Variants in SDF2L1 observed in about 807,000 individuals in gnomAD.
SDF2L1 encodes stromal cell derived factor 2 like 1.
In SDF2L1, 18 loss-of-function variants were observed where a neutral mutation model predicts 19.4. The observed-to-expected ratio is 0.93, with a 90% confidence interval of 0.64 to 1.38. SDF2L1 has a LOEUF of 1.38. SDF2L1 is among the 40% of genes most tolerant of loss of function. The pLI is 0.00. For missense variants in SDF2L1, 263 were observed against 319.4 expected (o/e 0.82, Z 1.35); for synonymous variants, 161 against 148.9 (o/e 1.08, Z -0.59).
At chr22:21,643,088 C>T (rs993375964) in intron 2 of SDF2L1, 30 bp downstream of exon 2, 4 of 1,548,154 alleles carry the variant, frequency 2.6e-6, no homozygotes, top group Non-Finnish European at 3.5e-6. Context: ...CCCAGAGAGA[C>T]TCCTGGCCTG....
Position 21,643,957 on chromosome 22 carries a change from T to A in SDF2L1, c.448T>A (p.Ser150Thr). ...DDLDLWTVRCSGQHWEREAAV... is the reference protein window; with the variant it reads ...DDLDLWTVRCTGQHWEREAAV... ...CCTGGACCTATGGACAGTGCGCTGC[T>A]CTGGACAGCACTGGGAGCGTGAGGC... Residue 150 changes from serine (S) to threonine (T), a missense_variant, in exon 3 of 3, where the codon TCT becomes ACT. Transcript: ENST00000248958. 2 of 1,614,092 alleles carry A rather than the reference T, an allele frequency of 1.2e-6. No individual in the cohort carries two copies. Among genetic ancestry groups the A allele is most frequent in the Non-Finnish European group, 1.7e-6 (2 of 1,180,010 alleles).
At chr22:21,643,174 G>A (rs2066094716) in intron 2 of SDF2L1, 116 bp downstream of exon 2, 4 of 1,305,296 alleles carry the variant, frequency 3.1e-6, no homozygotes, top group Admixed American at 2.5e-5. Context: ...TTTCACTTCA[G>A]AGATGGTTAC....
At position 21,643,885 on chromosome 22, in the gene SDF2L1, C is replaced by T. The variant is rs1224738496; in HGVS notation, c.385-9C>T. 3 of 1,607,998 alleles carry T rather than the reference C, an allele frequency of 1.9e-6. No homozygotes were observed. Among genetic ancestry groups the T allele is most frequent in the Admixed American group, 3.3e-5 (2 of 59,784 alleles). On this transcript the variant is annotated splice_polypyrimidine_tract_variant and intron_variant, in intron 2 of 2. Coordinates refer to ENST00000248958, the MANE Select transcript of SDF2L1 (RefSeq NM_022044.3). ...GTGACCACTGTCTTCTCATCCTTTG[C>T]ACCTATAGGAGGTGAGTGCCTTTGG...
At position 21,642,945 on chromosome 22, in the gene SDF2L1, G is replaced by C; in HGVS notation, c.271G>C (p.Gly91Arg). 1 of 1,574,846 alleles carries C rather than the reference G, an allele frequency of 6.3e-7. No individual in the cohort carries two copies. Residue 91 changes from glycine to arginine, a missense_variant, in exon 2 of 3, where the codon GGG becomes CGG. By Grantham distance (125) the Gly-to-Arg change is moderately radical (BLOSUM62 -2). Coordinates refer to ENST00000248958, the MANE Select transcript of SDF2L1 (RefSeq NM_022044.3). ...YWRIRGGSEGGCPRGSPVRCG... is the reference protein window; with the variant it reads ...YWRIRGGSEGRCPRGSPVRCG... Reference sequence around the variant, plus strand: ...GCGGATCCGCGGCGGCTCGGAGGGCGGGTGCCCGCGCGGGTCCCCGGTGCG... The same window carrying C: ...GCGGATCCGCGGCGGCTCGGAGGGCCGGTGCCCGCGCGGGTCCCCGGTGCG...
chr22:21,643,900 A>G lies in SDF2L1; in HGVS notation c.391A>G (p.Ser131Gly). 2 of 1,612,358 alleles carry G rather than the reference A, an allele frequency of 1.2e-6. No individual in the cohort carries two copies. The highest frequency in any genetic ancestry group is 1.3e-5 in the African/African-American group (1 of 74,956). Residue 131 changes from serine to glycine, a missense_variant, in exon 3 of 3, where the codon AGT becomes GGT. Ser to Gly is a moderately conservative substitution (Grantham distance 56, BLOSUM62 0). Transcript: ENST00000248958. ...PSPLSNNQEV[S>G]AFGEDGEGDD... ...TCATCCTTTGCACCTATAGGAGGTG[A>G]GTGCCTTTGGGGAAGACGGCGAGGG...
intron 1 of SDF2L1, 136 bp downstream of exon 1, chr22:21,642,659 A>T: frequency 9.1e-7 from 1 of 1,094,598 alleles, no homozygotes; most frequent in Non-Finnish European, 1.2e-6. Context: ...TGGGAGGTCG[A>T]GGGGCCAAAG....
At position 21,642,473 on chromosome 22, in the gene SDF2L1, A is replaced by T; in HGVS notation, c.137A>T (p.Asn46Ile). ...VTCGSVLKLL[N>I]THHRVRLHSH... ...TGCGGGTCGGTGCTGAAGCTGCTCA[A>T]TACGCACCACCGCGTGCGGCTGCAC... The change falls in exon 1 of 3, where the codon AAT (asparagine) becomes ATT (isoleucine). Residue 46 changes from asparagine to isoleucine, a missense_variant. Physicochemically the swap from Asn to Ile is moderately radical, Grantham distance 149. This residue lies in a region of SDF2L1 where 203 missense variants were observed against 256.9 expected (regional missense o/e 0.79). Transcript: ENST00000248958. 6.6e-7 allele frequency: 1 copy of T among 1,518,102 alleles called. No individual in the cohort carries two copies. Among genetic ancestry groups the T allele is most frequent in the Non-Finnish European group, 8.8e-7 (1 of 1,138,830 alleles). 94.0% of individuals were successfully genotyped at this position (1,518,102 alleles called of 1,614,324 possible).
chr22:21,644,112 G>A lies in SDF2L1; in HGVS notation c.603G>A (p.Lys201=). The A allele has an allele frequency of 6.2e-7, 1 of 1,614,170 alleles. No homozygotes were observed. Among genetic ancestry groups the A allele is most frequent in the Non-Finnish European group, 8.5e-7 (1 of 1,180,038 alleles). ...MPSANTHNTW[K]AMEGIFIKPS... is the part of the protein sequence containing the mutation. ...GTGCCAACACGCACAATACGTGGAAGGCCATGGAAGGCATCTTCATCAAGC... is the reference window on the plus strand; with the variant it reads ...GTGCCAACACGCACAATACGTGGAAAGCCATGGAAGGCATCTTCATCAAGC... Residue 201 remains lysine, a synonymous_variant, in exon 3 of 3, where the codon AAG becomes AAA. Coordinates refer to ENST00000248958, the MANE Select transcript of SDF2L1 (RefSeq NM_022044.3).
At chr22:21,643,560 A>C (rs1049196652) in intron 2 of SDF2L1, among the ~76,000 whole-genome samples, 11 of 152,188 alleles carry the variant, frequency 7.2e-5, no homozygotes, top group Non-Finnish European at 1.3e-4. Context: ...TGTTTGAGAT[A>C]GATAGACAGC....
chr22:21,642,402 A>G lies in SDF2L1; in HGVS notation c.66A>G (p.Leu22=), dbSNP rs2066085810. ...PVLLGLLLAL[L]VPGGGAAKTG... ...TGTTGGGGCTGCTGCTGGCGCTGTT[A>G]GTGCCGGGCGGTGGTGCCGCCAAGA... Residue 22 remains leucine (L), a synonymous_variant, in exon 1 of 3, where the codon TTA becomes TTG. Coordinates refer to ENST00000248958, the MANE Select transcript of SDF2L1 (RefSeq NM_022044.3). 1.4e-6 allele frequency: 2 copies of G among 1,450,864 alleles called. No individual in the cohort carries two copies. The highest frequency in any genetic ancestry group is 1.8e-6 in the Non-Finnish European group (2 of 1,111,936). 89.9% of individuals were successfully genotyped at this position (1,450,864 alleles called of 1,614,324 possible).
rs2066105633 is a variant in SDF2L1 at position 21,644,286 on chromosome 22, A to G, written c.*111A>G. 1.7e-6 allele frequency: 2 copies of G among 1,181,124 alleles called. No individual in the cohort carries two copies. Among genetic ancestry groups the G allele is most frequent in the Admixed American group, 2.0e-5 (1 of 50,582 alleles). 73.2% of individuals were successfully genotyped at this position (1,181,124 alleles called of 1,614,324 possible). On this transcript the variant is annotated 3_prime_UTR_variant, in exon 3 of 3. Transcript: ENST00000248958. ...CCTCAAGTGCCTTTGTGATTAAAGA[A>G]TGTTGGTCTATGATTGCGTTTCACT...
chr22:21,642,820 C>T (rs1392176518), intron 1 of SDF2L1, 42 bp from the exon 2 acceptor site: 2 of 1,557,350 alleles, frequency 1.3e-6, no homozygotes, highest in African/African-American at 1.4e-5. Context: ...CGGGGTTCCG[C>T]GATTGACGGA....
At chr22:21,642,744 C>G in intron 1 of SDF2L1, 118 bp from the exon 2 acceptor site, 2 of 1,280,928 alleles carry the variant, frequency 1.6e-6, no homozygotes, top group Non-Finnish European at 2.1e-6. Context: ...GAGGGGGTGT[C>G]AGGCGGGGGC....
Position 21,644,142 on chromosome 22 carries a change from T to C in SDF2L1, c.633T>C (p.Ser211=). The C allele has an allele frequency of 1.9e-6, 3 of 1,614,124 alleles. No individual in the cohort carries two copies. The highest frequency in any genetic ancestry group is 2.5e-6 in the Non-Finnish European group (3 of 1,180,018). The part of the protein sequence containing the change: ...KAMEGIFIKP[S]VEPSAGHDEL ...TGGAAGGCATCTTCATCAAGCCTAG[T>C]GTGGAGCCCTCTGCAGGTCACGATG... Residue 211 remains serine (S), a synonymous_variant, in exon 3 of 3, where the codon AGT becomes AGC. Coordinates refer to ENST00000248958, the MANE Select transcript of SDF2L1 (RefSeq NM_022044.3).
In SDF2L1 at chr22:21,642,971, C is replaced by T; in HGVS notation, c.297C>T (p.Arg99=). ...GGTGCCCGCGCGGGTCCCCGGTGCG[C>T]TGCGGGCAGGCGGTGAGGCTCACGC... is the stretch of plus-strand genomic sequence containing the variant. ...EGGCPRGSPV[R]CGQAVRLTHV... is the part of the protein sequence containing the mutation. The change falls in exon 2 of 3, where the codon CGC becomes CGT. Residue 99 remains arginine (R), a synonymous_variant. Transcript: ENST00000248958. The T allele has an allele frequency of 6.4e-7, 1 of 1,569,846 alleles. No homozygotes were observed. The highest frequency in any genetic ancestry group is 1.2e-5 in the South Asian group (1 of 86,198).
intron 2 of SDF2L1, 58 bp downstream of exon 2, chr22:21,643,116 A>T (rs2066094247): frequency 6.5e-7 from 1 of 1,529,418 alleles, no homozygotes; most frequent in African/African-American, 1.4e-5. Context: ...GGCCAGAGAC[A>T]GAGCCCTGGG....
chr22:21,643,986 T>C lies in SDF2L1; in HGVS notation c.477T>C (p.Ala159=). ...GACAGCACTGGGAGCGTGAGGCTGC[T>C]GTGCGCTTCCAGCATGTGGGCACCT... The part of the protein sequence containing the change: ...CSGQHWEREA[A]VRFQHVGTSV... Residue 159 remains alanine, a synonymous_variant, in exon 3 of 3, where the codon GCT becomes GCC. Transcript: ENST00000248958. 6.2e-7 allele frequency: 1 copy of C among 1,614,192 alleles called. No individual in the cohort carries two copies. The highest frequency in any genetic ancestry group is 2.2e-5 in the East Asian group (1 of 44,888).
chr22:21,643,415 A>G, intron 2 of SDF2L1: 2 of 458,388 alleles, frequency 4.4e-6, no homozygotes, highest in Non-Finnish European at 7.8e-6. Context: ...GATGATTAGG[A>G]GTCCTACAAG....
rs1247236087 is a variant in SDF2L1, at chr22:21,643,266, GGAGA to G, written c.384+213_384+216del. The G allele has an allele frequency of 6.3e-6, 4 of 631,560 alleles. No individual in the cohort carries two copies. In the South Asian group the frequency reaches 7.8e-5, roughly 12 times the overall value. 39.1% of individuals were successfully genotyped at this position (631,560 alleles called of 1,614,324 possible). ...TCCCGGCCCGGCAGGGAGAACGACG[GGAGA>G]GAGATCCGGAGAGATACGCCTGGAT... On this transcript the variant is annotated intron_variant, in intron 2 of 2. Transcript: ENST00000248958.
Sources: allele counts gnomAD v4.1 joint callset (sites outside exome capture counted in the v4.1 genomes callset), GRCh38; gene constraint gnomAD v4.1.1; regional missense constraint gnomAD v4.1.1; transcripts MANE v1.5; gene names NCBI Gene and HGNC (gene_info 2026-07-23, HGNC 2026-07-21).